Variants in DSCAML1 observed in about 807,000 individuals in gnomAD.
DSCAML1 encodes the protein cell adhesion molecule DSCAML1.
In DSCAML1, 38 loss-of-function variants were observed where a neutral mutation model predicts 200.5. The ratio of observed to expected loss-of-function variants is 0.19; its 90% confidence interval spans 0.15 to 0.25. The LOEUF (loss-of-function observed/expected upper bound fraction) is 0.25. Among genes scored for constraint, DSCAML1 ranks in the 10% least tolerant of loss-of-function variants. The pLI is 1.00. For missense variants in DSCAML1, 2,223 were observed against 2,858.8 expected, an observed-to-expected ratio of 0.78 and a Z score of 5.07; for synonymous variants, 1,215 against 1,165.0, an observed-to-expected ratio of 1.04 and a Z score of -0.87.
At chr11:117,767,928 A>G (rs781160487) in intron 3 of DSCAML1, among the ~76,000 whole-genome samples, 13 of 152,162 alleles carry the variant, frequency 8.5e-5, no homozygotes, top group Non-Finnish European at 1.3e-4. Context: ...GGGACCCTAC[A>G]TACACTTATG....
At chr11:117,431,498 G>C in intron 31 of DSCAML1, 36 bp downstream of exon 31, 1 of 1,500,910 alleles carries the variant, frequency 6.7e-7, no homozygotes, top group East Asian at 2.3e-5. Context: ...GAACTGGGGG[G>C]AGGTGTTCAG....
chr11:117,783,773 T>C (rs996866221), intron 1 of DSCAML1, among the ~76,000 whole-genome samples: 4 of 152,070 alleles, frequency 2.6e-5, no homozygotes, highest in Non-Finnish European at 5.9e-5. Context: ...GGAAGACAAA[T>C]AAAACCACAG....
intron 3 of DSCAML1, among the ~76,000 whole-genome samples, chr11:117,745,932 A>G (rs1371530134): frequency 6.6e-6 from 1 of 152,082 alleles, no homozygotes; most frequent in Non-Finnish European, 1.5e-5. Context: ...GTTCCTGCAC[A>G]GGCCAGGCGC....
intron 3 of DSCAML1, among the ~76,000 whole-genome samples, chr11:117,698,781 T>A (rs1026221768): frequency 6.6e-6 from 1 of 152,194 alleles, no homozygotes; most frequent in Admixed American, 6.5e-5. Flanking sequence ...AACCATGATG[T>A]TTTTAGAAAC....
At position 117,505,724 on chromosome 11, in the gene DSCAML1, G is replaced by C. The variant is rs745816203; in HGVS notation, c.1792C>G (p.Leu598Val). Residue 598 changes from leucine (L) to valine (V), a missense_variant, in exon 9 of 33, where the codon CTG becomes GTG. Physicochemically the swap from Leu to Val is conservative, Grantham distance 32. Transcript: ENST00000651296. This position sits in a 1 kb window ranked among gnomAD's most constrained non-coding sequence, Gnocchi z 6.7. ...GGTGGGAATTCGAAGGGCTGGATCA[G>C]AGGGGGCACTGGGAAGGCAAGCGGG... ...SVHVAVKVPP[L>V]IQPFEFPPAS... 2 of 1,608,498 alleles carry C rather than the reference G, an allele frequency of 1.2e-6. No homozygotes were observed. The highest frequency in any genetic ancestry group is 2.2e-5 in the South Asian group (2 of 91,042).
chr11:117,519,444 C>T lies in DSCAML1; in HGVS notation c.1214-682G>A, dbSNP rs940521248. Reference sequence around the variant, plus strand: ...TAACCTCTGTGCCCTGGCTTCCTCACGTGGAACACGGGGATGTAATTATTA... The same window carrying T: ...TAACCTCTGTGCCCTGGCTTCCTCATGTGGAACACGGGGATGTAATTATTA... On this transcript the variant is annotated intron_variant, in intron 6 of 32. Transcript: ENST00000651296. 4.6e-5 allele frequency among the ~76,000 whole-genome samples: 7 copies of T among 152,226 alleles called. No homozygotes were observed. The East Asian group carries it at 1.2e-3, about 25-fold the overall frequency.
At chr11:117,543,741 C>T (rs186548263) in intron 3 of DSCAML1, among the ~76,000 whole-genome samples, 41 of 152,214 alleles carry the variant, frequency 2.7e-4, no homozygotes, top group African/African-American at 7.9e-4. Context: ...CTGTGGTGTC[C>T]ATGCAACAAT....
intron 3 of DSCAML1, among the ~76,000 whole-genome samples, chr11:117,735,740 A>G (rs926688417): frequency 2.6e-5 from 4 of 152,226 alleles, no homozygotes; most frequent in African/African-American, 9.6e-5. Flanking sequence ...CTGGGCCCGG[A>G]GCTGCGTCCA....
At chr11:117,676,530 A>AG (rs1182645196) in intron 3 of DSCAML1, among the ~76,000 whole-genome samples, 1 of 152,300 alleles carries the variant, frequency 6.6e-6, no homozygotes, top group African/African-American at 2.4e-5. Context: ...CAAAGGGTCC[A>AG]GGGGGGTTCC....
chr11:117,816,515 C>A (rs2055808439), intron 1 of DSCAML1, among the ~76,000 whole-genome samples: 1 of 152,256 alleles, frequency 6.6e-6, no homozygotes, highest in Non-Finnish European at 1.5e-5. Flanking sequence ...CAGAGCTCAG[C>A]TGCCTGGGGC....
chr11:117,532,598 A>G, intron 3 of DSCAML1, 76 bp from the exon 4 acceptor site: 1 of 1,427,414 alleles, frequency 7.0e-7, no homozygotes. Flanking sequence ...CGTCTCTGAC[A>G]GATGAGGATT....
At position 117,675,778 on chromosome 11, in the gene DSCAML1, C is replaced by T. The variant is rs551999636; in HGVS notation, c.511+101013G>A. Among the ~76,000 whole-genome samples, 7 of 152,238 alleles carry T rather than the reference C, an allele frequency of 4.6e-5. No homozygotes were observed. The South Asian group carries it at 1.5e-3, about 32-fold the overall frequency. ...CGTAAAGGCCGGCTATTGACACCTG[C>T]TCTCATCCCTCATCCACCAGCGGCT... is the stretch of plus-strand genomic sequence containing the variant. On this transcript the variant is annotated intron_variant, in intron 3 of 32. Transcript: ENST00000651296.
At chr11:117,685,373 T>C (rs1458864813) in intron 3 of DSCAML1, among the ~76,000 whole-genome samples, 4 of 152,180 alleles carry the variant, frequency 2.6e-5, no homozygotes, top group Non-Finnish European at 5.9e-5. Flanking sequence ...TTCCGCTTAA[T>C]TCCTTACCTC....
In DSCAML1 at chr11:117,435,744, C is replaced by T. The variant is rs2047902867; in HGVS notation, c.4776G>A (p.Leu1592=). The T allele has an allele frequency of 1.2e-6, 2 of 1,613,418 alleles. No homozygotes were observed. Among genetic ancestry groups the T allele is most frequent in the Non-Finnish European group, 1.7e-6 (2 of 1,179,482 alleles). Residue 1592 remains leucine, a synonymous_variant, in exon 27 of 33, where the codon CTG becomes CTA. Coordinates refer to ENST00000651296, the MANE Select transcript of DSCAML1 (RefSeq NM_020693.4). ...AQGEGDDVKK[L]FTIGCPVILA... ...GGATGACAGGGCAGCCGATGGTGAA[C>T]AGCTTCTTCACATCATCCCCTTCAC...
chr11:117,781,731 G>T (rs1475934067), intron 1 of DSCAML1, among the ~76,000 whole-genome samples: 1 of 152,228 alleles, frequency 6.6e-6, no homozygotes, highest in African/African-American at 2.4e-5. Flanking sequence ...GGAAAATGGA[G>T]GGAGAGGATG....
At chr11:117,665,141 G>A (rs2052948253) in intron 3 of DSCAML1, among the ~76,000 whole-genome samples, 4 of 152,108 alleles carry the variant, frequency 2.6e-5, no homozygotes, top group Admixed American at 2.0e-4. Flanking sequence ...TCCCAGGCTG[G>A]CCTCTGACCT....
chr11:117,617,315 C>T (rs148543195), intron 3 of DSCAML1, among the ~76,000 whole-genome samples: 2,507 of 152,312 alleles, frequency 0.016, 33 homozygotes, highest in East Asian at 0.061. Flanking sequence ...GCCCTCCAGG[C>T]TCGGCCACTG....
chr11:117,726,252 T>TGC (rs2054127630), intron 3 of DSCAML1, among the ~76,000 whole-genome samples: 1 of 132,404 alleles, frequency 7.6e-6, no homozygotes, highest in Non-Finnish European at 1.6e-5. Flanking sequence ...TGTGTATCTC[T>TGC]GTGTGTGTGT....
At chr11:117,736,616 T>C (rs112593222) in intron 3 of DSCAML1, among the ~76,000 whole-genome samples, 1 of 152,188 alleles carries the variant, frequency 6.6e-6, no homozygotes, top group Non-Finnish European at 1.5e-5. Context: ...TTGGCATCCT[T>C]GGTCTTGCCC....
Sources: allele counts gnomAD v4.1 joint callset (sites outside exome capture counted in the v4.1 genomes callset), GRCh38; gene constraint gnomAD v4.1.1; non-coding constraint Gnocchi (gnomAD v3.1); transcripts MANE v1.5; gene names NCBI Gene and HGNC (gene_info 2026-07-23, HGNC 2026-07-21).